NAALADL2: variants seen among roughly 807,000 people sequenced by gnomAD.
NAALADL2 encodes N-acetylated alpha-linked acidic dipeptidase like 2.
A neutral mutation model predicts 87.2 loss-of-function variants in NAALADL2; 76 were observed. That is an observed-to-expected ratio of 0.87 (90% CI 0.72 to 1.05). NAALADL2 has a LOEUF of 1.05. NAALADL2 is among the 50% of genes least tolerant of loss of function. The probability of loss-of-function intolerance (pLI) is 0.00; values close to 1 mark genes in which losing one functional copy is unlikely to be tolerated. For synonymous variants in NAALADL2, 354 were observed against 331.0 expected (o/e 1.07, Z -0.75); for missense variants, 1,089 against 945.8 (o/e 1.15, Z -1.99).
At chr3:175,584,360 A>T (rs1720238523) in intron 10 of NAALADL2, among the ~76,000 whole-genome samples, 3 of 151,674 alleles carry the variant, frequency 2.0e-5, no homozygotes, top group Admixed American at 2.0e-4. Context: ...TTTATTATAG[A>T]TGAGGAAACT....
At chr3:174,759,502 C>T (rs1311940941) in intron 3 of NAALADL2, among the ~76,000 whole-genome samples, 1 of 152,066 alleles carries the variant, frequency 6.6e-6, no homozygotes, top group East Asian at 1.9e-4. Flanking sequence ...TTAGCTCTTG[C>T]AAAAGAGGAG....
intron 2 of NAALADL2, among the ~76,000 whole-genome samples, chr3:174,556,828 A>G (rs1406026336): frequency 6.6e-6 from 1 of 151,958 alleles, no homozygotes; most frequent in Non-Finnish European, 1.5e-5. Flanking sequence ...GCAGCCTCAA[A>G]CTCCTGGGCT....
chr3:174,599,573 G>A (rs1417148171), intron 2 of NAALADL2, among the ~76,000 whole-genome samples: 2 of 152,084 alleles, frequency 1.3e-5, no homozygotes, highest in Non-Finnish European at 2.9e-5. Flanking sequence ...ATCCTTCAAT[G>A]TCTTAAGCAA....
intron 11 of NAALADL2, among the ~76,000 whole-genome samples, chr3:175,667,257 GAA>G (rs201067268): frequency 1.8e-4 from 25 of 141,076 alleles, no homozygotes; most frequent in Middle Eastern, 3.6e-3. Context: ...AAGAAAGAAA[GAA>G]AGAAAGGAAG....
intron 1 of NAALADL2, among the ~76,000 whole-genome samples, chr3:174,934,737 C>A (rs1737429218): frequency 6.6e-6 from 1 of 151,892 alleles, no homozygotes; most frequent in African/African-American, 2.4e-5. Context: ...GCTCAAACAA[C>A]AACAACAACA....
chr3:174,605,160 G>A (rs993417205), intron 2 of NAALADL2, among the ~76,000 whole-genome samples: 4 of 152,196 alleles, frequency 2.6e-5, no homozygotes, highest in Non-Finnish European at 5.9e-5. Context: ...AAACAAACAA[G>A]TAAAAGTAAA....
intron 13 of NAALADL2, among the ~76,000 whole-genome samples, chr3:175,798,188 C>T (rs889873142): frequency 9.9e-5 from 15 of 151,822 alleles, no homozygotes; most frequent in Admixed American, 7.2e-4. Context: ...TTGCTAGCCC[C>T]GATTTGTTTT....
At chr3:175,319,909 G>A (rs1005817168) in intron 4 of NAALADL2, among the ~76,000 whole-genome samples, 39 of 152,186 alleles carry the variant, frequency 2.6e-4, no homozygotes, top group African/African-American at 7.7e-4. Flanking sequence ...AGCCTGCTAA[G>A]TGCAAGGTGT....
intron 2 of NAALADL2, among the ~76,000 whole-genome samples, chr3:174,624,423 A>G (rs1721351944): frequency 6.6e-6 from 1 of 152,128 alleles, no homozygotes; most frequent in African/African-American, 2.4e-5. Flanking sequence ...TAGGAGTTCA[A>G]TTCCAGCCTG....
At chr3:175,366,028 AC>A (rs933029616) in intron 5 of NAALADL2, among the ~76,000 whole-genome samples, 1 of 44,392 alleles carries the variant, frequency 2.3e-5, no homozygotes, top group Non-Finnish European at 4.1e-5. Context: ...CCCTCCCCCC[AC>A]CCCAGAGTGT....
At chr3:175,226,781 C>T (rs1438858681) in intron 2 of NAALADL2, among the ~76,000 whole-genome samples, 1 of 152,064 alleles carries the variant, frequency 6.6e-6, no homozygotes, top group Non-Finnish European at 1.5e-5. Context: ...GGGAAGGCTA[C>T]GGGATGCTGC....
chr3:175,717,715 AAAAG>A (rs1240612053), intron 11 of NAALADL2, among the ~76,000 whole-genome samples: 1 of 151,676 alleles, frequency 6.6e-6, no homozygotes, highest in Non-Finnish European at 1.5e-5. Flanking sequence ...AAAAGAGAAA[AAAAG>A]AAATAAATTA....
At position 175,370,841 on chromosome 3, in the gene NAALADL2, A is replaced by G. The variant is rs1276175896; in HGVS notation, c.1090+46516A>G. On this transcript the variant is annotated intron_variant, in intron 5 of 13. Transcript: ENST00000454872. ...ATAAAAGGGTAATGGAAGTAAACTG[A>G]CAAGTTTAGGAGGCTTTCAGAGCAT... Among the ~76,000 whole-genome samples, 3 of 152,298 alleles carry G rather than the reference A, an allele frequency of 2.0e-5. No homozygotes were observed. In the East Asian group the frequency reaches 5.8e-4, roughly 29 times the overall value.
In NAALADL2 at chr3:175,747,655, TCA is replaced by T. The variant is rs1259982353; in HGVS notation, c.1991-7564_1991-7563del. ...CATTTAAGCCTTTTTTTTTTCTTTT[TCA>T]GTTTCCTGGTTTAGCCAATACATAA... On this transcript the variant is annotated intron_variant, in intron 12 of 13. Transcript: ENST00000454872. Among the ~76,000 whole-genome samples, 22 of 152,302 alleles carry T rather than the reference TCA, an allele frequency of 1.4e-4. No individual in the cohort carries two copies. The East Asian group carries it at 4.2e-3, about 29-fold the overall frequency.
chr3:174,509,458 G>C (rs1719447207), intron 1 of NAALADL2, among the ~76,000 whole-genome samples: 1 of 145,838 alleles, frequency 6.9e-6, no homozygotes, highest in Admixed American at 7.0e-5. Flanking sequence ...CTAGAGTGCA[G>C]TGGCATGGTA....
chr3:174,735,854 C>T lies in NAALADL2; in HGVS notation c.-114-1787C>T, dbSNP rs1435153821. On this transcript the variant is annotated intron_variant, in intron 2 of 3. Transcript: ENST00000434257. ...GAGTTTTGCTCAGGTCCACTGGGCT[C>T]GTTCTGCCCACTTGACCTGGCAGGC... Among the ~76,000 whole-genome samples the T allele has an allele frequency of 5.3e-5, 8 of 152,306 alleles. No homozygotes were observed. In the South Asian group the frequency reaches 1.0e-3, roughly 20 times the overall value.
At chr3:174,504,118 A>G in intron 1 of NAALADL2, among the ~76,000 whole-genome samples, 1 of 152,172 alleles carries the variant, frequency 6.6e-6, no homozygotes, top group East Asian at 1.9e-4. Flanking sequence ...GTGCTTAACT[A>G]TGCAGCTATT....
chr3:175,386,193 G>C (rs961781733), intron 5 of NAALADL2, among the ~76,000 whole-genome samples: 6 of 150,754 alleles, frequency 4.0e-5, no homozygotes, highest in Non-Finnish European at 8.9e-5. Context: ...AAACAAGGTA[G>C]GTTTACACAT....
chr3:174,967,830 G>A (rs1239267563), intron 1 of NAALADL2, among the ~76,000 whole-genome samples: 1 of 152,182 alleles, frequency 6.6e-6, no homozygotes, highest in Non-Finnish European at 1.5e-5. Context: ...CCACAGAATT[G>A]TGAACAAATA....
Sources: allele counts gnomAD v4.1 joint callset (sites outside exome capture counted in the v4.1 genomes callset), GRCh38; gene constraint gnomAD v4.1.1; transcripts MANE v1.5; gene names NCBI Gene and HGNC (gene_info 2026-07-23, HGNC 2026-07-21).